Variants in DGLUCY observed in about 807,000 individuals in gnomAD.
DGLUCY encodes D-glutamate cyclase, also known as D-glutamate cyclase, mitochondrial.
Under a neutral mutation model 58.5 loss-of-function variants are expected in DGLUCY, and 58 were observed. The ratio of observed to expected loss-of-function variants is 0.99; its 90% CI spans 0.80 to 1.23. The LOEUF (loss-of-function observed/expected upper bound fraction) is 1.23. Ranked by LOEUF, DGLUCY falls within the 50% of genes most tolerant of loss-of-function variation. The probability of loss-of-function intolerance (pLI) is 0.00; values close to 1 mark genes in which losing one functional copy is unlikely to be tolerated. For missense variants in DGLUCY, 779 were observed against 784.7 expected (o/e 0.99, Z 0.09); for synonymous variants, 325 against 314.1 (o/e 1.03, Z -0.37).
At chr14:91,061,778 A>T (rs1276793841) in intron 1 of DGLUCY, among the ~76,000 whole-genome samples, 1 of 152,190 alleles carries the variant, frequency 6.6e-6, no homozygotes, top group Non-Finnish European at 1.5e-5. Flanking sequence ...TGGTAAGATA[A>T]TGGGGAACTA....
intron 11 of DGLUCY, among the ~76,000 whole-genome samples, chr14:91,200,632 A>G (rs750100257): frequency 1.3e-5 from 2 of 151,930 alleles, no homozygotes; most frequent in South Asian, 2.1e-4. Context: ...GCTGGAGTGC[A>G]GTGGTACAAT....
At position 91,166,403 on chromosome 14, in the gene DGLUCY, G is replaced by A. The variant is rs560471717; in HGVS notation, c.104-822G>A. 3.1e-3 allele frequency among the ~76,000 whole-genome samples: 468 copies of A among 152,262 alleles called. 4 individuals carry two copies. The highest frequency in any genetic ancestry group is 1.0e-2 in the African/African-American group (414 of 41,558). On this transcript the variant is annotated intron_variant, in intron 3 of 13. Transcript: ENST00000256324. ...CATTAGGCCAGTTGCGGTGGCTCAC[G>A]CCTGTAAGCCCAGCACTTTGGGAGG...
At chr14:91,224,582 G>A (rs911517465) in intron 13 of DGLUCY, 102 bp from the exon 14 acceptor site, 26 of 1,294,190 alleles carry the variant, frequency 2.0e-5, no homozygotes, top group Non-Finnish European at 5.1e-6. Context: ...TAAAAAGCAA[G>A]TATGTCAAGG....
intron 1 of DGLUCY, among the ~76,000 whole-genome samples, chr14:91,146,258 CT>C (rs1486936190): frequency 6.6e-5 from 10 of 152,228 alleles, no homozygotes; most frequent in Non-Finnish European, 1.3e-4. Flanking sequence ...GAGTTGGGAT[CT>C]GAACTCAAGT....
intron 1 of DGLUCY, among the ~76,000 whole-genome samples, chr14:91,082,150 C>G (rs2044138313): frequency 6.6e-6 from 1 of 152,128 alleles, no homozygotes; most frequent in African/African-American, 2.4e-5. Context: ...AGCTGGGTAA[C>G]ATTTGGAAAA....
At chr14:91,161,927 C>T (rs1030711217) in intron 3 of DGLUCY, among the ~76,000 whole-genome samples, 8 of 151,548 alleles carry the variant, frequency 5.3e-5, no homozygotes, top group South Asian at 2.1e-4. Context: ...CTGTTATATA[C>T]GAGCAGCGAA....
At chr14:91,077,066 G>C (rs1024409923) in intron 1 of DGLUCY, among the ~76,000 whole-genome samples, 1 of 152,076 alleles carries the variant, frequency 6.6e-6, no homozygotes, top group Non-Finnish European at 1.5e-5. Flanking sequence ...AACATCGTGA[G>C]AGCCTGTCTC....
intron 8 of DGLUCY, among the ~76,000 whole-genome samples, chr14:91,181,726 C>T (rs532378343): frequency 6.8e-6 from 1 of 146,958 alleles, no homozygotes; most frequent in East Asian, 2.0e-4. Flanking sequence ...CAGGCTGGAA[C>T]AATGGCGTGA....
exon 1 of DGLUCY, chr14:91,060,384 G>A (rs752152274): frequency 4.6e-6 from 7 of 1,506,190 alleles, no homozygotes; most frequent in Non-Finnish European, 6.2e-6. Context: ...CGTCGCCGCC[G>A]TCCGCGCTGG....
chr14:91,154,154 A>C (rs549223112), intron 1 of DGLUCY, among the ~76,000 whole-genome samples: 39 of 152,172 alleles, frequency 2.6e-4, no homozygotes, highest in South Asian at 8.3e-4. Context: ...GATCTGCCCA[A>C]CTTGGCCTCC....
intron 12 of DGLUCY, among the ~76,000 whole-genome samples, chr14:91,205,847 T>C (rs1567007996): frequency 2.3e-5 from 3 of 128,292 alleles, no homozygotes; most frequent in Admixed American, 9.2e-5. Flanking sequence ...TTCTTCTTTT[T>C]TTTTTTTTTT....
chr14:91,154,663 T>A (rs1374338421), intron 1 of DGLUCY, among the ~76,000 whole-genome samples: 1 of 152,192 alleles, frequency 6.6e-6, no homozygotes, highest in Non-Finnish European at 1.5e-5. Flanking sequence ...CTTTCACACC[T>A]GCGAGAGAGA....
chr14:91,136,025 C>G (rs531312122), intron 1 of DGLUCY, among the ~76,000 whole-genome samples: 25 of 150,558 alleles, frequency 1.7e-4, no homozygotes, highest in South Asian at 1.5e-3. Flanking sequence ...GGCTCCGCCT[C>G]CCAGGTTCAC....
chr14:91,064,637 A>AG (rs1298903290), intron 1 of DGLUCY, among the ~76,000 whole-genome samples: 5 of 151,700 alleles, frequency 3.3e-5, no homozygotes, highest in Non-Finnish European at 7.4e-5. Flanking sequence ...AAAAAAAAAA[A>AG]AAAAAAGAAA....
intron 1 of DGLUCY, among the ~76,000 whole-genome samples, chr14:91,150,893 C>G (rs2047295869): frequency 6.6e-6 from 1 of 152,202 alleles, no homozygotes; most frequent in Non-Finnish European, 1.5e-5. Flanking sequence ...CATCACCACT[C>G]TCCATTTCCA....
intron 1 of DGLUCY, among the ~76,000 whole-genome samples, chr14:91,102,045 T>C (rs1405944047): frequency 2.0e-5 from 3 of 152,030 alleles, no homozygotes; most frequent in Non-Finnish European, 2.9e-5. Flanking sequence ...GTTCCTGGCA[T>C]AAAGAAGAGA....
intron 7 of DGLUCY, among the ~76,000 whole-genome samples, chr14:91,178,275 C>T (rs2048977998): frequency 6.6e-6 from 1 of 152,096 alleles, no homozygotes; most frequent in Non-Finnish European, 1.5e-5. Flanking sequence ...AAGCAATCCT[C>T]CCACCTGAGC....
intron 1 of DGLUCY, among the ~76,000 whole-genome samples, chr14:91,080,543 G>A (rs891394084): frequency 2.6e-5 from 4 of 151,970 alleles, no homozygotes; most frequent in South Asian, 2.1e-4. Context: ...GCCAATTTTT[G>A]TATTTTTAGG....
intron 9 of DGLUCY, among the ~76,000 whole-genome samples, chr14:91,193,127 G>A (rs757642556): frequency 2.0e-5 from 3 of 152,106 alleles, no homozygotes; most frequent in Admixed American, 6.6e-5. Flanking sequence ...GAGGAGAAGG[G>A]CAGAACAGCC....
Sources: allele counts gnomAD v4.1 joint callset (sites outside exome capture counted in the v4.1 genomes callset), GRCh38; gene constraint gnomAD v4.1.1; transcripts MANE v1.5; gene names NCBI Gene and HGNC (gene_info 2026-07-23, HGNC 2026-07-21).